Variants in PAK3 observed in about 807,000 individuals in gnomAD.
PAK3 encodes the protein p21 (RAC1) activated kinase 3, also known as serine/threonine-protein kinase PAK 3.
In PAK3, 4 loss-of-function variants were observed where a neutral mutation model predicts 41.0. The observed-to-expected ratio is 0.10, with a 90% CI of 0.05 to 0.22. The LOEUF (loss-of-function observed/expected upper bound fraction) is 0.22. Among genes scored for constraint, PAK3 ranks in the 10% least tolerant of loss-of-function variants. The pLI, the probability that PAK3 is intolerant of heterozygous loss-of-function variation, is 1.00. For synonymous variants in PAK3, 146 were observed against 139.6 expected, an observed-to-expected ratio of 1.05 and a Z score of -0.32; for missense variants, 205 against 409.9, an observed-to-expected ratio of 0.50 and a Z score of 4.32.
At chrX:111,124,627 G>A (rs375903828) in intron 5 of PAK3, among the ~76,000 whole-genome samples, 2 of 111,864 alleles carry the variant, frequency 1.8e-5, no homozygotes, top group East Asian at 2.8e-4. Context: ...AAGAGCAAGC[G>A]CCCACTGATG....
intron 1 of PAK3, among the ~76,000 whole-genome samples, chrX:111,081,237 A>G (rs1603144123): frequency 8.9e-6 from 1 of 111,837 alleles, no homozygotes; most frequent in Non-Finnish European, 1.9e-5. Context: ...TCATGCCTGT[A>G]ATTCCAGCAC....
intron 4 of PAK3, among the ~76,000 whole-genome samples, chrX:111,103,781 C>T (rs1385266157): frequency 1.8e-5 from 2 of 111,455 alleles, no homozygotes; most frequent in Non-Finnish European, 3.8e-5. Flanking sequence ...CCCTTCCATC[C>T]CTGCTTCTGG....
At chrX:111,106,579 A>G (rs746078060) in intron 4 of PAK3, among the ~76,000 whole-genome samples, 2 of 110,923 alleles carry the variant, frequency 1.8e-5, no homozygotes. Context: ...ATTCACACAT[A>G]CTGCTAGTGA....
intron 1 of PAK3, among the ~76,000 whole-genome samples, chrX:110,964,856 T>C (rs905624940): frequency 9.0e-6 from 1 of 111,674 alleles, no homozygotes; most frequent in Non-Finnish European, 1.9e-5. Context: ...GCTGGCTGGC[T>C]GGCTGACTGA....
At chrX:110,996,306 A>G (rs754736335) in intron 1 of PAK3, among the ~76,000 whole-genome samples, 1 of 112,151 alleles carries the variant, frequency 8.9e-6, no homozygotes, top group Non-Finnish European at 1.9e-5. Flanking sequence ...ATGCCCCTAC[A>G]TGTGCCAGGC....
At chrX:110,954,235 G>A (rs1473721753) in intron 1 of PAK3, among the ~76,000 whole-genome samples, 1 of 112,205 alleles carries the variant, frequency 8.9e-6, no homozygotes, top group East Asian at 2.8e-4. Flanking sequence ...CTAGGGAAAT[G>A]CTTCTCTAAG....
At chrX:111,209,476 T>C (rs188867258) in intron 16 of PAK3, among the ~76,000 whole-genome samples, 19 of 112,540 alleles carry the variant, frequency 1.7e-4, no homozygotes, top group Non-Finnish European at 5.6e-5. Flanking sequence ...AAGGTATCAA[T>C]GAATAGCCCT....
intron 3 of PAK3, 144 bp from the exon 4 acceptor site, chrX:111,103,015 G>GTGTGTGTGTGTATGAGAGAGAGAGTA (rs1569328517): frequency 1.8e-5 from 2 of 110,667 alleles, no homozygotes; most frequent in African/African-American, 6.7e-5. Flanking sequence ...GAGAGAGTGT[G>GTGTGTGTGTGTATGAGAGAGAGAGTA]TGTGTGTGTG....
At chrX:111,073,057 T>A (rs900711745) in intron 1 of PAK3, among the ~76,000 whole-genome samples, 1 of 111,328 alleles carries the variant, frequency 9.0e-6, no homozygotes, top group Non-Finnish European at 1.9e-5. Context: ...TCAGAATCCA[T>A]ACTCCCCCAC....
chrX:111,110,790 C>T (rs1474754653), intron 4 of PAK3, among the ~76,000 whole-genome samples: 1 of 112,129 alleles, frequency 8.9e-6, no homozygotes, highest in African/African-American at 3.2e-5. Flanking sequence ...CCATTTCTGT[C>T]CTGACATGAG....
At chrX:111,199,809 A>G (rs908980724) in intron 16 of PAK3, among the ~76,000 whole-genome samples, 16 of 111,885 alleles carry the variant, frequency 1.4e-4, no homozygotes, top group Non-Finnish European at 5.6e-5. Flanking sequence ...AAAGAGAAAA[A>G]CTTCATTTCA....
rs1427912570 is a variant in PAK3, at chrX:111,145,854, A to C, written c.277-1883A>C. On this transcript the variant is annotated intron_variant, in intron 6 of 17. Transcript: ENST00000372007. ...ATTATATATATATGGTTTGAAATGG[A>C]ATTGTTCCCCTTTCCCTGGTCTAAA... Among the ~76,000 whole-genome samples the C allele has an allele frequency of 2.7e-5, 3 of 111,866 alleles. No homozygotes were observed. The Admixed American group carries it at 2.9e-4, about 11-fold the overall frequency.
At chrX:111,189,968 T>C (rs1291373637) in intron 11 of PAK3, among the ~76,000 whole-genome samples, 2 of 112,054 alleles carry the variant, frequency 1.8e-5, no homozygotes, top group Admixed American at 1.9e-4. Context: ...ATATTGGCAT[T>C]GCATGTTTGC....
chrX:111,181,953 CATT>C (rs1227874218), intron 11 of PAK3, among the ~76,000 whole-genome samples: 3 of 111,703 alleles, frequency 2.7e-5, no homozygotes, highest in African/African-American at 9.7e-5. Flanking sequence ...ATTGGAAATA[CATT>C]AGCATTTGTG....
At chrX:110,972,343 G>A (rs1056409392) in intron 1 of PAK3, among the ~76,000 whole-genome samples, 5 of 111,476 alleles carry the variant, frequency 4.5e-5, no homozygotes, top group Non-Finnish European at 7.5e-5. Context: ...TGCCCCTCTG[G>A]GGAGAAGCTT....
chrX:111,017,606 A>G (rs139779812), intron 1 of PAK3, among the ~76,000 whole-genome samples: 3 of 112,121 alleles, frequency 2.7e-5, no homozygotes, highest in Admixed American at 9.5e-5. Flanking sequence ...AATCAAAATA[A>G]TTTAAAGGAA....
At chrX:111,086,067 G>GTGTA (rs1449726048) in intron 1 of PAK3, among the ~76,000 whole-genome samples, 1 of 101,854 alleles carries the variant, frequency 9.8e-6, no homozygotes, top group Admixed American at 1.1e-4. Context: ...CAGCTTGTGT[G>GTGTA]TGTGTGTGTG....
intron 13 of PAK3, 77 bp downstream of exon 13, chrX:111,192,695 ATTCG>A: frequency 1.8e-6 from 1 of 548,428 alleles, no homozygotes; most frequent in Non-Finnish European, 3.2e-6. Context: ...TTTATTTGGG[ATTCG>A]TTCATTTAAC....
upstream of PAK3, among the ~76,000 whole-genome samples, chrX:111,094,882 T>C (rs951373174): frequency 9.2e-6 from 1 of 109,191 alleles, no homozygotes; most frequent in Non-Finnish European, 1.9e-5. Flanking sequence ...AGAGACGGGG[T>C]TTCATCATAT....
Sources: gnomAD v4.1 joint callset for allele counts (sites outside exome capture counted in the v4.1 genomes callset) on GRCh38, gnomAD v4.1.1 for gene constraint, MANE v1.5 for transcripts, NCBI Gene and HGNC (gene_info 2026-07-23, HGNC 2026-07-21) for gene names.